Variants in SEPHS1 observed in about 807,000 individuals in gnomAD.
SEPHS1 encodes the protein selenophosphate synthetase 1.
Under a neutral mutation model 39.2 loss-of-function variants are expected in SEPHS1, and 7 were observed. That is an observed-to-expected ratio of 0.18 (90% CI 0.10 to 0.34). The LOEUF (loss-of-function observed/expected upper bound fraction) is 0.34. SEPHS1 is among the 10% of genes least tolerant of loss of function. The pLI is 1.00. For missense variants in SEPHS1, 253 were observed against 514.5 expected, an observed-to-expected ratio of 0.49 and a Z score of 4.92; for synonymous variants, 190 against 195.5, an observed-to-expected ratio of 0.97 and a Z score of 0.23.
intron 2 of SEPHS1, among the ~76,000 whole-genome samples, chr10:13,342,135 C>T (rs1210432131): frequency 2.6e-5 from 4 of 151,056 alleles, no homozygotes; most frequent in South Asian, 4.2e-4. Flanking sequence ...GGCATGGTGG[C>T]GGGCGCCTGT....
chr10:13,333,950 G>A lies in SEPHS1; in HGVS notation c.427C>T (p.Leu143=), dbSNP rs376096547. The A allele has an allele frequency of 6.2e-7, 1 of 1,613,478 alleles. No homozygotes were observed. The highest frequency in any genetic ancestry group is 8.5e-7 in the Non-Finnish European group (1 of 1,179,888). ...GCGTCTTTAAAACCTTGGATAATCA[G>A]AGGCATCACTTTATCCCTTTCCTAA... is the stretch of plus-strand genomic sequence containing the variant. ...TDRERDKVMP[L]IIQGFKDAAE... The change falls in exon 5 of 9, where the codon CTG becomes TTG. Residue 143 remains leucine, a synonymous_variant. Coordinates refer to ENST00000327347, the MANE Select transcript of SEPHS1 (RefSeq NM_012247.5).
intron 1 of SEPHS1, chr10:13,345,442 A>G (rs1224141690): frequency 2.0e-5 from 3 of 152,898 alleles, no homozygotes; most frequent in Non-Finnish European, 2.9e-5. Flanking sequence ...AAATCTTTTG[A>G]TATCTTTTGC....
intron 5 of SEPHS1, among the ~76,000 whole-genome samples, chr10:13,330,184 G>A (rs936007352): frequency 2.0e-5 from 3 of 152,072 alleles, no homozygotes; most frequent in African/African-American, 7.2e-5. Context: ...ATTTCCCCTC[G>A]ACCACATACG....
At chr10:13,328,088 T>C (rs975518289) in intron 7 of SEPHS1, among the ~76,000 whole-genome samples, 1 of 152,170 alleles carries the variant, frequency 6.6e-6, no homozygotes, top group Admixed American at 6.5e-5. Flanking sequence ...AAATCTTACA[T>C]AGGTAACCCA....
intron 2 of SEPHS1, among the ~76,000 whole-genome samples, chr10:13,342,898 G>A (rs1374956731): frequency 1.3e-5 from 2 of 152,002 alleles, no homozygotes; most frequent in Non-Finnish European, 2.9e-5. Context: ...AGCAAGCCCA[G>A]GTAACTTTTG....
chr10:13,329,889 C>G (rs977222976), intron 5 of SEPHS1, 101 bp from the exon 6 acceptor site: 4 of 1,026,568 alleles, frequency 3.9e-6, no homozygotes, highest in Admixed American at 4.4e-5. Flanking sequence ...AATATATCTG[C>G]CTTTGCATTT....
intron 1 of SEPHS1, 93 bp from the exon 2 acceptor site, chr10:13,345,121 T>C: frequency 2.0e-6 from 1 of 511,386 alleles, no homozygotes; most frequent in Non-Finnish European, 3.4e-6. Context: ...GAAAAGTCAA[T>C]GTGACAAGGG....
At chr10:13,334,229 T>C (rs566237460) in intron 4 of SEPHS1, among the ~76,000 whole-genome samples, 37 of 152,088 alleles carry the variant, frequency 2.4e-4, no homozygotes, top group African/African-American at 8.9e-4. Flanking sequence ...CAGACCCCTT[T>C]CTCTACGAAA....
chr10:13,322,083 T>C (rs1179190217), intron 8 of SEPHS1: 2 of 455,120 alleles, frequency 4.4e-6, no homozygotes, highest in Admixed American at 4.7e-5. Flanking sequence ...AAAAGAAAAA[T>C]GGCATTTTAA....
chr10:13,323,580 CCT>C (rs1833175868), intron 7 of SEPHS1, among the ~76,000 whole-genome samples: 1 of 152,036 alleles, frequency 6.6e-6, no homozygotes, highest in South Asian at 2.1e-4. Flanking sequence ...ATCTTGAACT[CCT>C]GACCTCATGA....
rs1448931267 is a variant in SEPHS1 at position 13,331,693 on chromosome 10, C to T, written c.561-1905G>A. Among the ~76,000 whole-genome samples, 3 of 152,304 alleles carry T rather than the reference C, an allele frequency of 2.0e-5. No homozygotes were observed. In the East Asian group the frequency reaches 5.8e-4, roughly 29 times the overall value. ...CCACCACGCCCGGCCAAAAGACTGA[C>T]TTTTCTTAACAAGACATCAAACATG... On this transcript the variant is annotated intron_variant, in intron 5 of 8. Transcript: ENST00000327347.
At position 13,345,020 on chromosome 10, in the gene SEPHS1, T is replaced by C. The variant is rs1262954523; in HGVS notation, c.-70A>G. 4 of 1,316,136 alleles carry C rather than the reference T, an allele frequency of 3.0e-6. No homozygotes were observed. Among genetic ancestry groups the C allele is most frequent in the Non-Finnish European group, 4.0e-6 (4 of 1,000,186 alleles). The allele number at this position is 1,316,136 out of a possible 1,614,324, so 81.5% of individuals were successfully genotyped here. On this transcript the variant is annotated 5_prime_UTR_variant, in exon 2 of 9. Transcript: ENST00000327347. ...CTCTGCGGGTTGGCTGGGTTCTTTATGGATCCACCTGGGTGTCACCAAAAC... is the reference window on the plus strand; with the variant it reads ...CTCTGCGGGTTGGCTGGGTTCTTTACGGATCCACCTGGGTGTCACCAAAAC...
chr10:13,340,915 G>C (rs1236423387), intron 2 of SEPHS1: 1 of 152,132 alleles, frequency 6.6e-6, no homozygotes, highest in Non-Finnish European at 1.5e-5. Context: ...GGTGCTGTAA[G>C]TACAAAACAG....
Position 13,344,762 on chromosome 10 carries a change from C to A in SEPHS1, c.189G>T (p.Arg63Ser). ...DEQFLGAVMPRLGIGMDTCVI... is the reference protein window; with the variant it reads ...DEQFLGAVMPSLGIGMDTCVI... ...AAGAAACACTGGGTTACCTACCAAG[C>A]CTTGGCATAACGGCTCCCAGAAACT... is the stretch of plus-strand genomic sequence containing the variant. The change falls in exon 2 of 9, where the codon AGG (arginine) becomes AGT (serine). Residue 63 changes from arginine (R) to serine (S), a missense_variant. Physicochemically the swap from Arg to Ser is moderately radical, Grantham distance 110. Around this residue, in one of 4 missense-constraint regions of SEPHS1, gnomAD observed 123 missense variants for 196.8 expected, o/e 0.62. Transcript: ENST00000327347. 1 of 1,517,326 alleles carries A rather than the reference C, an allele frequency of 6.6e-7. No individual in the cohort carries two copies. The highest frequency in any genetic ancestry group is 8.9e-7 in the Non-Finnish European group (1 of 1,123,822). 94.0% of individuals were successfully genotyped at this position (1,517,326 alleles called of 1,614,324 possible). A position where few individuals can be genotyped will look rare whatever the true frequency, so the allele number is the denominator to read the frequency against.
chr10:13,331,102 T>C (rs1392806324), intron 5 of SEPHS1, among the ~76,000 whole-genome samples: 2 of 149,726 alleles, frequency 1.3e-5, no homozygotes, highest in Admixed American at 6.7e-5. Context: ...TTCTGTCCTT[T>C]TGATAGTTTG....
At chr10:13,341,978 GA>G (rs756726696) in intron 2 of SEPHS1, among the ~76,000 whole-genome samples, 211 of 108,926 alleles carry the variant, frequency 1.9e-3, no homozygotes, top group Middle Eastern at 6.6e-3. Flanking sequence ...CTATCTCAAG[GA>G]AAAAAAAAAA....
At chr10:13,333,788 C>A in intron 5 of SEPHS1, 29 bp downstream of exon 5, 1 of 1,608,232 alleles carries the variant, frequency 6.2e-7, no homozygotes, top group Non-Finnish European at 8.5e-7. Context: ...AAAAACAGGT[C>A]AGGTGATATG....
intron 1 of SEPHS1, among the ~76,000 whole-genome samples, chr10:13,347,550 G>A (rs887381734): frequency 2.7e-5 from 4 of 147,010 alleles, no homozygotes; most frequent in East Asian, 2.0e-4. Context: ...AGCCGGGGAG[G>A]ACGCCGGGAC....
intron 3 of SEPHS1, among the ~76,000 whole-genome samples, chr10:13,336,949 A>G (rs373409607): frequency 2.6e-5 from 4 of 152,170 alleles, no homozygotes; most frequent in African/African-American, 9.7e-5. Flanking sequence ...CCAGGAGTTA[A>G]AGACCAGCCT....
Sources: gnomAD v4.1 joint callset for allele counts (sites outside exome capture counted in the v4.1 genomes callset) on GRCh38, gnomAD v4.1.1 for gene constraint, gnomAD v4.1.1 regional missense constraint, MANE v1.5 for transcripts, NCBI Gene and HGNC (gene_info 2026-07-23, HGNC 2026-07-21) for gene names.